LDLRAD3: variants seen among roughly 807,000 people sequenced by gnomAD.
The protein encoded by LDLRAD3 is low-density lipoprotein receptor class A domain-containing protein 3.
In LDLRAD3, 20 loss-of-function variants were observed where a neutral mutation model predicts 29.4. The ratio of observed to expected loss-of-function variants is 0.68; its 90% CI spans 0.48 to 0.99. The LOEUF (loss-of-function observed/expected upper bound fraction) is 0.99. Among genes scored for constraint, LDLRAD3 ranks in the 50% least tolerant of loss-of-function variants. The pLI, the probability that LDLRAD3 is intolerant of heterozygous loss-of-function variation, is 0.00. For synonymous variants in LDLRAD3, 157 were observed against 192.7 expected (o/e 0.81, Z 1.53); for missense variants, 420 against 454.3 (o/e 0.92, Z 0.69).
intron 1 of LDLRAD3, among the ~76,000 whole-genome samples, chr11:36,020,206 G>T (rs1852078159): frequency 6.6e-6 from 1 of 152,164 alleles, no homozygotes; most frequent in African/African-American, 2.4e-5. Flanking sequence ...TGGAGGTAAA[G>T]GTTGCCTCAC....
chr11:36,130,944 T>C lies in LDLRAD3; in HGVS notation c.454+32483T>C, dbSNP rs145006728. 3.4e-3 allele frequency among the ~76,000 whole-genome samples: 516 copies of C among 152,292 alleles called. 2 individuals carry two copies. The highest frequency in any genetic ancestry group is 0.012 in the African/African-American group (486 of 41,572). On this transcript the variant is annotated intron_variant, in intron 4 of 5. Coordinates refer to ENST00000315571, the MANE Select transcript of LDLRAD3 (RefSeq NM_174902.4). ...TTCTCAGGATCCTAATGTCTTTATC[T>C]AACCCTGCTGGTGGCCAGAAGCCTC...
intron 4 of LDLRAD3, among the ~76,000 whole-genome samples, chr11:36,131,506 G>T (rs1453231027): frequency 2.0e-5 from 3 of 152,116 alleles, no homozygotes; most frequent in African/African-American, 7.2e-5. Context: ...AGTAAGAGAT[G>T]GTAACTGACT....
intron 4 of LDLRAD3, among the ~76,000 whole-genome samples, chr11:36,183,126 C>T (rs12808874): frequency 0.04 from 6,129 of 152,168 alleles, 407 homozygotes; most frequent in African/African-American, 0.14. Flanking sequence ...GGGACGTAGA[C>T]GGTGGGATGG....
At chr11:35,970,748 T>G (rs1451825024) in intron 1 of LDLRAD3, among the ~76,000 whole-genome samples, 1 of 152,244 alleles carries the variant, frequency 6.6e-6, no homozygotes, top group East Asian at 1.9e-4. Context: ...GTCCATGCAT[T>G]CATTTTCATG....
chr11:36,066,499 G>A (rs151192312), intron 2 of LDLRAD3, among the ~76,000 whole-genome samples: 1 of 152,232 alleles, frequency 6.6e-6, no homozygotes, highest in East Asian at 1.9e-4. Context: ...AAATTCTCTA[G>A]AATTTTCATT....
intron 4 of LDLRAD3, among the ~76,000 whole-genome samples, chr11:36,122,835 A>T (rs1853779181): frequency 6.6e-6 from 1 of 152,140 alleles, no homozygotes; most frequent in African/African-American, 2.4e-5. Context: ...CCTGGGCAAC[A>T]TAACGAGATC....
At position 36,213,852 on chromosome 11, in the gene LDLRAD3, C is replaced by T. The variant is rs1232598617; in HGVS notation, c.455-13233C>T. Among the ~76,000 whole-genome samples, 2 of 152,214 alleles carry T rather than the reference C, an allele frequency of 1.3e-5. No homozygotes were observed. Among genetic ancestry groups the T allele is most frequent in the African/African-American group, 4.8e-5 (2 of 41,456 alleles). ...CTCCCTCTCAGCAGCGTTTTCTCTT[C>T]TCTGCCATTCAGCACTCCCAAGGCC... On this transcript the variant is annotated intron_variant, in intron 4 of 5. Coordinates refer to ENST00000315571, the MANE Select transcript of LDLRAD3 (RefSeq NM_174902.4). The surrounding 1 kb of genome is among the most constrained non-coding windows in gnomAD (Gnocchi z 4.1).
intron 1 of LDLRAD3, among the ~76,000 whole-genome samples, chr11:36,018,389 T>C (rs262425): frequency 0.84 from 128,430 of 152,162 alleles, 55,466 homozygotes; most frequent in Non-Finnish European, 0.93. Flanking sequence ...CAAGTTAGTA[T>C]GAGTTTATTT....
At chr11:36,057,328 A>G (rs1852636566) in intron 2 of LDLRAD3, among the ~76,000 whole-genome samples, 2 of 151,624 alleles carry the variant, frequency 1.3e-5, no homozygotes, top group Non-Finnish European at 2.9e-5. Context: ...TCGCCGGGGG[A>G]GCCTAATCTA....
At chr11:36,146,490 G>T (rs1016438548) in intron 4 of LDLRAD3, among the ~76,000 whole-genome samples, 1 of 152,030 alleles carries the variant, frequency 6.6e-6, no homozygotes, top group Non-Finnish European at 1.5e-5. Context: ...GTTTCCTCAG[G>T]CTGCATAAAT....
chr11:36,124,081 T>G lies in LDLRAD3; in HGVS notation c.454+25620T>G, dbSNP rs1456794219. On this transcript the variant is annotated intron_variant, in intron 4 of 5. Coordinates refer to ENST00000315571, the MANE Select transcript of LDLRAD3 (RefSeq NM_174902.4). ...TATAAAGGTTATGCATTTGCCTGCA[T>G]AATTGTCCAAAGCAACTGATGGCAA... Among the ~76,000 whole-genome samples the G allele has an allele frequency of 3.3e-5, 5 of 152,262 alleles. 1 individual carries two copies. In the East Asian group the frequency reaches 9.6e-4, roughly 29 times the overall value.
intron 1 of LDLRAD3, among the ~76,000 whole-genome samples, chr11:36,002,911 G>A (rs987985587): frequency 1.3e-5 from 2 of 152,184 alleles, no homozygotes; most frequent in African/African-American, 4.8e-5. Flanking sequence ...GCTATTTCCC[G>A]TACAACAGTG....
chr11:36,142,448 C>T (rs1048815993), intron 4 of LDLRAD3, among the ~76,000 whole-genome samples: 1 of 152,198 alleles, frequency 6.6e-6, no homozygotes, highest in Non-Finnish European at 1.5e-5. Flanking sequence ...GACAACTGTT[C>T]ACCTACCAGC....
intron 4 of LDLRAD3, among the ~76,000 whole-genome samples, chr11:36,224,373 C>T (rs2133391523): frequency 6.6e-6 from 1 of 152,262 alleles, no homozygotes; most frequent in South Asian, 2.1e-4. Flanking sequence ...CCTAACTCTA[C>T]AGCTCTCCCT....
chr11:36,133,654 C>T (rs891703086), intron 4 of LDLRAD3, among the ~76,000 whole-genome samples: 1 of 151,620 alleles, frequency 6.6e-6, no homozygotes, highest in African/African-American at 2.4e-5. Context: ...CTGCCTCAGC[C>T]TCCCGAGTAG....
chr11:35,988,314 C>T (rs1308936302), intron 1 of LDLRAD3, among the ~76,000 whole-genome samples: 1 of 152,186 alleles, frequency 6.6e-6, no homozygotes, highest in Admixed American at 6.5e-5. Flanking sequence ...CCCACCTCAA[C>T]CTCCCAAAGT....
chr11:35,955,626 G>A (rs1052607579), intron 1 of LDLRAD3, among the ~76,000 whole-genome samples: 4 of 151,916 alleles, frequency 2.6e-5, no homozygotes. Context: ...AGATAAACAG[G>A]GTTACTGCAA....
chr11:36,058,001 C>G (rs764199089), intron 2 of LDLRAD3, among the ~76,000 whole-genome samples: 2 of 152,220 alleles, frequency 1.3e-5, no homozygotes, highest in South Asian at 2.1e-4. Context: ...GCGCCCAGCA[C>G]TGGGGTTGAT....
At chr11:36,014,467 A>G (rs994658913) in intron 1 of LDLRAD3, among the ~76,000 whole-genome samples, 2 of 152,212 alleles carry the variant, frequency 1.3e-5, no homozygotes, top group African/African-American at 4.8e-5. Context: ...TGGGATGTGC[A>G]TGGTACCTGC....
Sources: allele counts gnomAD v4.1 joint callset (sites outside exome capture counted in the v4.1 genomes callset), GRCh38; gene constraint gnomAD v4.1.1; non-coding constraint Gnocchi (gnomAD v3.1); transcripts MANE v1.5; gene names NCBI Gene and HGNC (gene_info 2026-07-23, HGNC 2026-07-21).